OTUD7B: variants seen among roughly 807,000 people sequenced by gnomAD.
OTUD7B encodes OTU domain-containing protein 7B.
In OTUD7B, 34 loss-of-function variants were observed where a neutral mutation model predicts 82.2. That is an observed-to-expected ratio of 0.41 (90% CI 0.31 to 0.55). The LOEUF (loss-of-function observed/expected upper bound fraction) is 0.55. Among genes scored for constraint, OTUD7B ranks in the 20% least tolerant of loss-of-function variants. The probability of loss-of-function intolerance (pLI) is 0.20; values close to 1 mark genes in which losing one functional copy is unlikely to be tolerated. For missense variants in OTUD7B, 944 were observed against 1,062.1 expected, an observed-to-expected ratio of 0.89 and a Z score of 1.55; for synonymous variants, 398 against 402.7, an observed-to-expected ratio of 0.99 and a Z score of 0.14.
chr1:149,952,906 C>A (rs1340982583), intron 7 of OTUD7B, among the ~76,000 whole-genome samples: 1 of 152,032 alleles, frequency 6.6e-6, no homozygotes, highest in Non-Finnish European at 1.5e-5. Flanking sequence ...TTGATTTTTT[C>A]TTATAACTTT....
intron 1 of OTUD7B, among the ~76,000 whole-genome samples, chr1:150,002,828 G>A (rs1037100999): frequency 3.3e-5 from 5 of 152,296 alleles, no homozygotes; most frequent in Non-Finnish European, 7.3e-5. Flanking sequence ...CTCAATAAAT[G>A]TGTTCAGTAT....
the OTUD7B span, among the ~76,000 whole-genome samples, chr1:150,017,363 T>C: frequency 1.3e-5 from 2 of 152,136 alleles, no homozygotes; most frequent in Non-Finnish European, 2.9e-5. Context: ...CAAGATTGGG[T>C]GTGTTTCTAG....
At chr1:150,012,685 C>T (rs1273902661), upstream of OTUD7B, among the ~76,000 whole-genome samples, 1 of 152,192 alleles carries the variant, frequency 6.6e-6, no homozygotes, top group African/African-American at 2.4e-5. Flanking sequence ...GGCCAAGTTG[C>T]TGGTCAAAGT....
intron 10 of OTUD7B, among the ~76,000 whole-genome samples, chr1:149,948,210 C>T (rs782777803): frequency 2.6e-5 from 4 of 151,238 alleles, no homozygotes; most frequent in Non-Finnish European, 2.9e-5. Flanking sequence ...AACTCCCGAC[C>T]TCAGGTGATC....
chr1:149,982,688 A>G (rs1374410438), intron 1 of OTUD7B, among the ~76,000 whole-genome samples: 1 of 151,732 alleles, frequency 6.6e-6, no homozygotes, highest in Non-Finnish European at 1.5e-5. Flanking sequence ...CTGCCTTAGA[A>G]TTTCATTATC....
the OTUD7B span, among the ~76,000 whole-genome samples, chr1:150,024,784 A>G: frequency 6.6e-6 from 1 of 152,234 alleles, no homozygotes; most frequent in Non-Finnish European, 1.5e-5. Context: ...GTGGTGGCTC[A>G]CGCCTGTAAT....
chr1:150,049,104 C>T, the OTUD7B span, among the ~76,000 whole-genome samples: 58 of 152,280 alleles, frequency 3.8e-4, no homozygotes, highest in African/African-American at 1.2e-3. Flanking sequence ...TCCCAAAGTG[C>T]TGGGATTACA....
chr1:149,950,797 T>TC, intron 7 of OTUD7B, among the ~76,000 whole-genome samples: 1 of 2,180 alleles, frequency 4.6e-4, no homozygotes, highest in South Asian at 4.5e-3. Context: ...TTGTTTTTTT[T>TC]TCTTTTTTTT....
the OTUD7B span, among the ~76,000 whole-genome samples, chr1:150,038,643 T>A: frequency 6.6e-6 from 1 of 152,172 alleles, no homozygotes; most frequent in African/African-American, 2.4e-5. Context: ...CACCTCAGCC[T>A]CCCAAAGTGC....
chr1:150,043,425 T>A, the OTUD7B span, among the ~76,000 whole-genome samples: 1 of 152,238 alleles, frequency 6.6e-6, no homozygotes, highest in Non-Finnish European at 1.5e-5. Flanking sequence ...TACTTTAGAT[T>A]TATTCCATAC....
Position 149,944,420 on chromosome 1 carries a change from T to C in OTUD7B, c.1969A>G (p.Ile657Val). ...TTGGCTGGAGGAGGGCCACCCCCTA[T>C]TCCTCCATTCATGATCTTCCTCTCT... ...EAERKIMNGG[I>V]GGGPPPAKKP... Residue 657 changes from isoleucine (I) to valine (V), a missense_variant, in exon 12 of 12, where the codon ATA becomes GTA. Around this residue, in one of 3 missense-constraint regions of OTUD7B, gnomAD observed 412 missense variants for 418.7 expected, o/e 0.98. Transcript: ENST00000581312. 3 of 1,614,114 alleles carry C rather than the reference T, an allele frequency of 1.9e-6. No individual in the cohort carries two copies. The highest frequency in any genetic ancestry group is 2.5e-6 in the Non-Finnish European group (3 of 1,179,990).
intron 1 of OTUD7B, among the ~76,000 whole-genome samples, chr1:150,000,844 TG>T (rs1652232359): frequency 6.6e-6 from 1 of 151,994 alleles, no homozygotes; most frequent in Non-Finnish European, 1.5e-5. Flanking sequence ...CTGGGCACTG[TG>T]GCACGCACCT....
chr1:149,987,770 G>T (rs1651253558), intron 1 of OTUD7B, among the ~76,000 whole-genome samples: 1 of 152,074 alleles, frequency 6.6e-6, no homozygotes, highest in African/African-American at 2.4e-5. Flanking sequence ...CCAATCCAGT[G>T]TCTTTCAACT....
intron 11 of OTUD7B, among the ~76,000 whole-genome samples, chr1:149,945,577 T>C (rs972202622): frequency 2.0e-5 from 3 of 152,148 alleles, no homozygotes; most frequent in Non-Finnish European, 4.4e-5. Context: ...TCAACTTTTA[T>C]ACATTCTGCA....
chr1:149,946,258 G>C (rs1553772065), intron 11 of OTUD7B, among the ~76,000 whole-genome samples: 1 of 151,628 alleles, frequency 6.6e-6, no homozygotes, highest in Non-Finnish European at 1.5e-5. Flanking sequence ...AGCTACTCGG[G>C]AGGCTGAGGC....
intron 2 of OTUD7B, 103 bp downstream of exon 2, chr1:149,977,323 T>C: frequency 1.2e-6 from 1 of 834,676 alleles, no homozygotes; most frequent in Non-Finnish European, 2.1e-6. Flanking sequence ...GGGCCTAACC[T>C]ACACAAAGTA....
rs782800556 is a variant in OTUD7B, at chr1:149,944,974, A to T, written c.1415T>A (p.Val472Asp). 3.1e-6 allele frequency: 5 copies of T among 1,614,032 alleles called. No homozygotes were observed. The highest frequency in any genetic ancestry group is 4.2e-6 in the Non-Finnish European group (5 of 1,179,990). ...PESGDSDKES[V>D]GSSSTSNEGG... ...CTCGTTGCTGGTGGAACTGCTGCCA[A>T]CTGACTCCTTGTCTGAGTCTCCAGA... The change falls in exon 12 of 12, where the codon GTT (valine) becomes GAT (aspartate). Residue 472 changes from valine (V) to aspartate (D), a missense_variant. Val to Asp is a radical substitution (Grantham distance 152, BLOSUM62 -3). This residue lies in a region of OTUD7B where 530 missense variants were observed against 625.6 expected (regional missense o/e 0.85). Transcript: ENST00000581312.
chr1:149,944,790 T>A lies in OTUD7B; in HGVS notation c.1599A>T (p.Gly533=), dbSNP rs1647576059. 2 of 1,612,560 alleles carry A rather than the reference T, an allele frequency of 1.2e-6. No homozygotes were observed. The highest frequency in any genetic ancestry group is 1.1e-5 in the South Asian group (1 of 90,996). The change falls in exon 12 of 12, where the codon GGA becomes GGT. Residue 533 remains glycine (G), a synonymous_variant. Transcript: ENST00000581312. ...GLMHSKGSKP[G]GVGTGLGGSS... The stretch of plus-strand genomic sequence containing the variant: ...TTCCTCCCAACCCTGTCCCCACCCC[T>A]CCAGGCTTTGAACCCTTGCTGTGCA...
the OTUD7B span, among the ~76,000 whole-genome samples, chr1:150,063,386 G>T: frequency 2.0e-5 from 3 of 152,132 alleles, no homozygotes; most frequent in African/African-American, 7.2e-5. Flanking sequence ...AGAGGCAGAG[G>T]TTGCAGTGAA....
Sources: allele counts gnomAD v4.1 joint callset (sites outside exome capture counted in the v4.1 genomes callset), GRCh38; gene constraint gnomAD v4.1.1; regional missense constraint gnomAD v4.1.1; transcripts MANE v1.5; gene names NCBI Gene and HGNC (gene_info 2026-07-23, HGNC 2026-07-21).